Variants in NRG3 observed in about 807,000 individuals in gnomAD.
NRG3 encodes neuregulin 3.
A neutral mutation model predicts 66.9 loss-of-function variants in NRG3; 31 were observed. That is an observed-to-expected ratio of 0.46 (90% CI 0.35 to 0.63). The LOEUF (loss-of-function observed/expected upper bound fraction) is 0.63, where lower values mean the gene tolerates loss of function less well. Among genes scored for constraint, NRG3 ranks in the 20% least tolerant of loss-of-function variants. The probability of loss-of-function intolerance (pLI) is 0.00; values close to 1 mark genes in which losing one functional copy is unlikely to be tolerated. For missense variants in NRG3, 910 were observed against 878.9 expected (o/e 1.04, Z -0.45); for synonymous variants, 393 against 359.4 (o/e 1.09, Z -1.06).
At chr10:82,212,254 A>G (rs1239621451) in intron 1 of NRG3, among the ~76,000 whole-genome samples, 1 of 152,212 alleles carries the variant, frequency 6.6e-6, no homozygotes, top group Admixed American at 6.5e-5. Context: ...CTCGTTGTAG[A>G]TAAACACATG....
intron 1 of NRG3, among the ~76,000 whole-genome samples, chr10:82,103,054 C>T (rs1360269420): frequency 6.6e-6 from 1 of 152,080 alleles, no homozygotes; most frequent in Non-Finnish European, 1.5e-5. Flanking sequence ...TTCAGACTAT[C>T]TTCATCTGAG....
chr10:82,667,329 C>CT (rs1236733070), intron 2 of NRG3, among the ~76,000 whole-genome samples: 1 of 152,186 alleles, frequency 6.6e-6, no homozygotes, highest in Non-Finnish European at 1.5e-5. Context: ...AGATGTGGCT[C>CT]TTTCATGCCT....
At chr10:82,195,555 A>G (rs755334279) in intron 1 of NRG3, among the ~76,000 whole-genome samples, 2 of 152,118 alleles carry the variant, frequency 1.3e-5, no homozygotes, top group Non-Finnish European at 2.9e-5. Context: ...ATGCTATGCT[A>G]TGGAAAAGGT....
At chr10:82,358,024 T>A (rs2083891713) in intron 1 of NRG3, among the ~76,000 whole-genome samples, 1 of 152,186 alleles carries the variant, frequency 6.6e-6, no homozygotes, top group South Asian at 2.1e-4. Context: ...AGATAGCACT[T>A]ATTTATTGTT....
At chr10:82,920,765 A>G (rs1050635124) in intron 4 of NRG3, among the ~76,000 whole-genome samples, 31 of 152,168 alleles carry the variant, frequency 2.0e-4, no homozygotes, top group African/African-American at 7.0e-4. Context: ...TCAGAAGCCA[A>G]CTGGAAGAGT....
At chr10:82,637,403 T>C (rs554363932) in intron 2 of NRG3, among the ~76,000 whole-genome samples, 2 of 152,278 alleles carry the variant, frequency 1.3e-5, no homozygotes, top group South Asian at 4.1e-4. Context: ...TTACATGGTC[T>C]CACCTTGTCA....
chr10:81,929,349 A>G (rs2132965317), intron 1 of NRG3, among the ~76,000 whole-genome samples: 1 of 152,338 alleles, frequency 6.6e-6, no homozygotes, highest in Non-Finnish European at 1.5e-5. Context: ...CATGTGCCTA[A>G]GAATTAAAAC....
At chr10:82,709,437 T>C (rs1017106474) in intron 2 of NRG3, among the ~76,000 whole-genome samples, 2 of 151,900 alleles carry the variant, frequency 1.3e-5, no homozygotes, top group African/African-American at 2.4e-5. Context: ...GCTGGAGTGC[T>C]GTGGCGCGAT....
At chr10:82,560,010 G>C (rs2044927425) in intron 2 of NRG3, among the ~76,000 whole-genome samples, 2 of 151,678 alleles carry the variant, frequency 1.3e-5, no homozygotes, top group Non-Finnish European at 2.9e-5. Flanking sequence ...TTTTCCTTGA[G>C]CTTCCAAAAT....
At chr10:82,713,797 C>A (rs530004723) in intron 2 of NRG3, among the ~76,000 whole-genome samples, 11 of 152,274 alleles carry the variant, frequency 7.2e-5, no homozygotes, top group Admixed American at 1.3e-4. Context: ...TACCTCTCTC[C>A]CTCAATTATG....
rs567619407 is a variant in NRG3, at chr10:82,124,344, G to C, written c.824-234395G>C. On this transcript the variant is annotated intron_variant, in intron 1 of 8. Transcript: ENST00000372141. ...CTGTAGTAATTATTAACTTACATTGGATCAGATATATTTTGTGAAAATCCA... is the reference window on the plus strand; with the variant it reads ...CTGTAGTAATTATTAACTTACATTGCATCAGATATATTTTGTGAAAATCCA... 3.9e-5 allele frequency among the ~76,000 whole-genome samples: 6 copies of C among 152,050 alleles called. 1 individual carries two copies. The highest frequency in any genetic ancestry group is 2.6e-4 in the Admixed American group (4 of 15,252).
At chr10:82,699,109 G>A (rs998592591) in intron 2 of NRG3, among the ~76,000 whole-genome samples, 9 of 152,136 alleles carry the variant, frequency 5.9e-5, no homozygotes, top group Admixed American at 1.3e-4. Context: ...GGGCATTAGG[G>A]AAAACTTCAT....
intron 2 of NRG3, among the ~76,000 whole-genome samples, chr10:82,586,013 G>A (rs2046647590): frequency 6.6e-6 from 1 of 152,066 alleles, no homozygotes; most frequent in African/African-American, 2.4e-5. Flanking sequence ...TTTCTAAAGT[G>A]ACTAAAATAG....
rs554913477 is a variant in NRG3, at chr10:82,228,143, T to C, written c.824-130596T>C. Among the ~76,000 whole-genome samples the C allele has an allele frequency of 4.6e-5, 7 of 152,344 alleles. No homozygotes were observed. In the South Asian group the frequency reaches 1.4e-3, roughly 32 times the overall value. ...CCCATAGAGAGACCTGGGACACTTCTAATTTATGAATGCAATTTTTAAAAA... is the reference window on the plus strand; with the variant it reads ...CCCATAGAGAGACCTGGGACACTTCCAATTTATGAATGCAATTTTTAAAAA... On this transcript the variant is annotated intron_variant, in intron 1 of 8. Coordinates refer to ENST00000372141, the MANE Select transcript of NRG3 (RefSeq NM_001010848.4).
chr10:82,848,765 GT>G (rs1285204578), intron 3 of NRG3, among the ~76,000 whole-genome samples: 1 of 152,122 alleles, frequency 6.6e-6, no homozygotes, highest in Non-Finnish European at 1.5e-5. Flanking sequence ...AATCACGGGG[GT>G]GGGTTTTCCC....
At chr10:82,745,084 T>C (rs1257978330) in intron 3 of NRG3, among the ~76,000 whole-genome samples, 1 of 152,050 alleles carries the variant, frequency 6.6e-6, no homozygotes, top group African/African-American at 2.4e-5. Flanking sequence ...AAAGACATGA[T>C]TGCTAAGGAA....
rs367849421 is a variant in NRG3 at position 82,517,723 on chromosome 10, G to A, written c.953+158855G>A. 1.1e-4 allele frequency among the ~76,000 whole-genome samples: 17 copies of A among 151,598 alleles called. 1 individual carries two copies. The East Asian group carries it at 2.1e-3, about 19-fold the overall frequency. ...TGTATGTTTCTGTCTGTAGAATTAG[G>A]TGGAGGGTTGGTAAGAATAAATACA... On this transcript the variant is annotated intron_variant, in intron 2 of 8. Coordinates refer to ENST00000372141, the MANE Select transcript of NRG3 (RefSeq NM_001010848.4).
chr10:82,538,971 G>C (rs1334875516), intron 2 of NRG3, among the ~76,000 whole-genome samples: 1 of 152,184 alleles, frequency 6.6e-6, no homozygotes, highest in Non-Finnish European at 1.5e-5. Flanking sequence ...ACATCAGTTA[G>C]ATCTTCATTG....
At chr10:82,397,679 G>C (rs1347211830) in intron 2 of NRG3, among the ~76,000 whole-genome samples, 2 of 152,132 alleles carry the variant, frequency 1.3e-5, no homozygotes, top group African/African-American at 4.8e-5. Context: ...AGGACACTTT[G>C]TAATGCAAAA....
Sources: allele counts gnomAD v4.1 joint callset (sites outside exome capture counted in the v4.1 genomes callset), GRCh38; gene constraint gnomAD v4.1.1; transcripts MANE v1.5; gene names NCBI Gene and HGNC (gene_info 2026-07-23, HGNC 2026-07-21).